The following ANK3 variants were observed in gnomAD, a reference collection of about 807,000 sequenced individuals.
ANK3 encodes the protein ankyrin 3.
ANK3 carries 57 observed loss-of-function variants against 370.9 expected under a neutral mutation model. The observed-to-expected ratio is 0.15, with a 90% confidence interval of 0.12 to 0.19. The LOEUF (loss-of-function observed/expected upper bound fraction) is 0.19. ANK3 is among the 10% of genes least tolerant of loss of function. The probability of loss-of-function intolerance (pLI) is 1.00; values close to 1 mark genes in which losing one functional copy is unlikely to be tolerated. For missense variants in ANK3, 4,439 were observed against 5,302.1 expected, an observed-to-expected ratio of 0.84 and a Z score of 5.06; for synonymous variants, 1,929 against 1,946.3, an observed-to-expected ratio of 0.99 and a Z score of 0.23.
chr10:60,235,550 G>GTTTTTTTTTTTTTTTT (rs72388493), intron 7 of ANK3, among the ~76,000 whole-genome samples: 1 of 115,052 alleles, frequency 8.7e-6, no homozygotes, highest in Non-Finnish European at 1.7e-5. Flanking sequence ...CTGATTTCTT[G>GTTTTTTTTTTTTTTTT]TTTTTTTTTT....
Position 60,108,823 on chromosome 10 carries a change from A to G in ANK3, c.3173+7T>C. On this transcript the variant is annotated splice_region_variant and intron_variant, in intron 27 of 43. Transcript: ENST00000280772. ...GGGCCAAGGTTAAAATTGACAAAAC[A>G]ACTTACCCTAAAAATTGTGCCCCTG... 1 of 1,612,610 alleles carries G rather than the reference A, an allele frequency of 6.2e-7. No individual in the cohort carries two copies. The highest frequency in any genetic ancestry group is 8.5e-7 in the Non-Finnish European group (1 of 1,178,788).
chr10:60,704,679 AAGG>A (rs1448556644), intron 1 of ANK3, among the ~76,000 whole-genome samples: 2 of 152,224 alleles, frequency 1.3e-5, no homozygotes, highest in African/African-American at 4.8e-5. Context: ...GTGTGAATGA[AAGG>A]AGAATCCAGA....
chr10:60,290,408 T>C (rs2041067476), intron 1 of ANK3, among the ~76,000 whole-genome samples: 1 of 151,868 alleles, frequency 6.6e-6, no homozygotes, highest in South Asian at 2.1e-4. Context: ...ATTCTTTTTT[T>C]TTACTTAACT....
At chr10:60,517,517 G>T (rs569484947) in intron 2 of ANK3, among the ~76,000 whole-genome samples, 1 of 152,092 alleles carries the variant, frequency 6.6e-6, no homozygotes, top group Non-Finnish European at 1.5e-5. Context: ...TTGGGGCCAC[G>T]TGTATGTATT....
chr10:60,327,339 G>C (rs1034457875), intron 1 of ANK3, among the ~76,000 whole-genome samples: 5 of 152,150 alleles, frequency 3.3e-5, no homozygotes, highest in Admixed American at 2.0e-4. Context: ...TTTTCTCTTA[G>C]GTTAAGATAG....
intron 23 of ANK3, chr10:60,144,125 A>G (rs979573214): frequency 2.7e-6 from 1 of 372,620 alleles, no homozygotes; most frequent in Non-Finnish European, 5.2e-6. Context: ...AAAAGATCCC[A>G]AGACTCAGCT....
At chr10:60,111,707 G>C (rs1442996343) in intron 26 of ANK3, 2 of 451,778 alleles carry the variant, frequency 4.4e-6, no homozygotes, top group Admixed American at 4.8e-5. Flanking sequence ...CAAAAAGGAT[G>C]GTTCACATAA....
intron 2 of ANK3, among the ~76,000 whole-genome samples, chr10:60,399,953 A>C (rs2063321682): frequency 6.6e-6 from 1 of 152,106 alleles, no homozygotes; most frequent in South Asian, 2.1e-4. Context: ...CTAGATGAAA[A>C]TTAGCTTGAA....
At chr10:60,474,539 A>G (rs1009855978) in intron 2 of ANK3, among the ~76,000 whole-genome samples, 4 of 152,212 alleles carry the variant, frequency 2.6e-5, no homozygotes, top group Non-Finnish European at 5.9e-5. Context: ...AAAACTTAAA[A>G]AAGATGTGCA....
chr10:60,073,086 T>C lies in ANK3; in HGVS notation c.7795A>G (p.Thr2599Ala), dbSNP rs1283000230. The C allele has an allele frequency of 1.2e-6, 2 of 1,614,118 alleles. No homozygotes were observed. Residue 2599 changes from threonine (T) to alanine (A), a missense_variant, in exon 37 of 44, where the codon ACT becomes GCT. Physicochemically the swap from Thr to Ala is moderately conservative, Grantham distance 58 (BLOSUM62 0). This residue lies in a region of ANK3 where 1,601 missense variants were observed against 1,731.7 expected (regional missense o/e 0.92). Transcript: ENST00000280772. ...TEVSQFFRDKTEKLNDELQSP... is the reference protein window; with the variant it reads ...TEVSQFFRDKAEKLNDELQSP... ...TGCAGTTCATCATTTAGCTTTTCAG[T>C]TTTGTCACGAAAAAACTGTGACACT...
At position 60,476,751 on chromosome 10, in the gene ANK3, C is replaced by T. The variant is rs117083083; in HGVS notation, c.96+138435G>A. 3.4e-3 allele frequency among the ~76,000 whole-genome samples: 522 copies of T among 152,264 alleles called. 3 individuals are homozygous for T. Among genetic ancestry groups the T allele is most frequent in the Non-Finnish European group, 2.9e-3 (197 of 68,020 alleles). On this transcript the variant is annotated intron_variant, in intron 2 of 43. Transcript: ENST00000373827. ...AACTCTGGCTCTGTTATTTCATAGA[C>T]TGTATCAACCTAAGCCAGTCAATGG...
chr10:60,486,076 T>C (rs11596715), intron 2 of ANK3, among the ~76,000 whole-genome samples: 70,131 of 151,926 alleles, frequency 0.46, 16,681 homozygotes, highest in Middle Eastern at 0.56. Flanking sequence ...AGGCTGATGC[T>C]CCAGTTTTAC....
chr10:60,114,179 C>A (rs778623621), intron 26 of ANK3, 46 bp downstream of exon 26: 3 of 1,058,370 alleles, frequency 2.8e-6, no homozygotes, highest in Non-Finnish European at 1.4e-6. Flanking sequence ...AATAAATGCA[C>A]TGTTCATGTA....
At chr10:60,686,831 T>TG (rs1487430367) in intron 1 of ANK3, among the ~76,000 whole-genome samples, 1 of 152,188 alleles carries the variant, frequency 6.6e-6, no homozygotes, top group Non-Finnish European at 1.5e-5. Flanking sequence ...TGCTAGGATC[T>TG]TCACAATAAC....
intron 2 of ANK3, among the ~76,000 whole-genome samples, chr10:60,596,088 G>A (rs1328820718): frequency 6.6e-6 from 1 of 152,116 alleles, no homozygotes; most frequent in Non-Finnish European, 1.5e-5. Flanking sequence ...AAGAGGCTCA[G>A]TGAGGAAAAG....
At chr10:60,179,585 C>G (rs2096083743) in intron 18 of ANK3, among the ~76,000 whole-genome samples, 1 of 151,858 alleles carries the variant, frequency 6.6e-6, no homozygotes, top group Admixed American at 6.6e-5. Flanking sequence ...GTCCCAGCTA[C>G]TCAGGAGGCT....
intron 2 of ANK3, among the ~76,000 whole-genome samples, chr10:60,430,095 C>CA (rs1022940244): frequency 2.6e-5 from 4 of 152,062 alleles, no homozygotes; most frequent in Admixed American, 1.3e-4. Context: ...TCTGGCTCAT[C>CA]AAAAAATATA....
intron 18 of ANK3, among the ~76,000 whole-genome samples, chr10:60,177,608 T>G (rs1048768573): frequency 2.7e-5 from 4 of 146,636 alleles, no homozygotes; most frequent in East Asian, 2.0e-4. Flanking sequence ...TTTTTTTTTT[T>G]TTTGTTTGAG....
intron 2 of ANK3, among the ~76,000 whole-genome samples, chr10:60,504,995 G>T (rs7919328): frequency 6.6e-6 from 1 of 152,016 alleles, no homozygotes; most frequent in Admixed American, 6.6e-5. Flanking sequence ...TGTGAATATT[G>T]TTGTAGTTAT....
Sources: allele counts gnomAD v4.1 joint callset (sites outside exome capture counted in the v4.1 genomes callset), GRCh38; gene constraint gnomAD v4.1.1; regional missense constraint gnomAD v4.1.1; transcripts MANE v1.5; gene names NCBI Gene and HGNC (gene_info 2026-07-23, HGNC 2026-07-21).